IRAK1BP1: variants seen among roughly 807,000 people sequenced by gnomAD.
IRAK1BP1 encodes interleukin-1 receptor-associated kinase 1-binding protein 1.
In IRAK1BP1, 24 loss-of-function variants were observed where a neutral mutation model predicts 28.0. The ratio of observed to expected loss-of-function variants is 0.86; its 90% CI spans 0.62 to 1.20. IRAK1BP1 has a LOEUF of 1.20. Among genes scored for constraint, IRAK1BP1 ranks in the 50% most tolerant of loss-of-function variants. The probability of loss-of-function intolerance (pLI) is 0.00; values close to 1 mark genes in which losing one functional copy is unlikely to be tolerated. For synonymous variants in IRAK1BP1, 131 were observed against 116.3 expected (o/e 1.13, Z -0.81); for missense variants, 336 against 316.7 (o/e 1.06, Z -0.46).
the IRAK1BP1 span, among the ~76,000 whole-genome samples, chr6:78,974,966 C>A: frequency 6.6e-6 from 1 of 151,576 alleles, no homozygotes; most frequent in Non-Finnish European, 1.5e-5. Flanking sequence ...TGGTACCATT[C>A]CTTCTGAAAC....
At chr6:78,907,044 T>C (rs1161862036), downstream of IRAK1BP1, among the ~76,000 whole-genome samples, 1 of 152,178 alleles carries the variant, frequency 6.6e-6, no homozygotes, top group African/African-American at 2.4e-5. Context: ...ATACAGCTGC[T>C]AGGAGAACAC....
At chr6:78,917,274 A>G (rs1229120698) in intron 4 of IRAK1BP1, among the ~76,000 whole-genome samples, 2 of 151,684 alleles carry the variant, frequency 1.3e-5, no homozygotes, top group African/African-American at 4.8e-5. Flanking sequence ...AAATTTCAAA[A>G]TACAATGGAA....
chr6:78,875,868 TAAATAA>T (rs1418498141), intron 1 of IRAK1BP1, among the ~76,000 whole-genome samples: 1 of 152,094 alleles, frequency 6.6e-6, no homozygotes, highest in African/African-American at 2.4e-5. Flanking sequence ...CTAAAATAAA[TAAATAA>T]AAATATATAT....
At chr6:78,979,009 T>C in the IRAK1BP1 span, among the ~76,000 whole-genome samples, 1 of 152,138 alleles carries the variant, frequency 6.6e-6, no homozygotes, top group African/African-American at 2.4e-5. Context: ...GGCACTGTAG[T>C]AGGTATTATA....
intron 1 of IRAK1BP1, among the ~76,000 whole-genome samples, chr6:78,876,814 T>TA (rs1210819356): frequency 6.6e-6 from 1 of 152,078 alleles, no homozygotes; most frequent in Non-Finnish European, 1.5e-5. Context: ...GCTGTGACAA[T>TA]AAAAAATGTC....
At chr6:78,875,053 C>T (rs970547947) in intron 1 of IRAK1BP1, among the ~76,000 whole-genome samples, 3 of 151,998 alleles carry the variant, frequency 2.0e-5, no homozygotes, top group South Asian at 2.1e-4. Context: ...AAAACAATCT[C>T]GTGAAAAAGT....
chr6:78,876,657 T>C (rs1484579005), intron 1 of IRAK1BP1, among the ~76,000 whole-genome samples: 3 of 152,166 alleles, frequency 2.0e-5, no homozygotes. Flanking sequence ...CCCCTACCCA[T>C]GGGGTGACCA....
chr6:78,947,817 C>T, downstream of IRAK1BP1: 1 of 1,404,304 alleles, frequency 7.1e-7, no homozygotes, highest in Non-Finnish European at 1.0e-6. Context: ...TATTACTACA[C>T]AAAGCATCAC....
At chr6:78,903,706 G>A (rs1772182472), downstream of IRAK1BP1, among the ~76,000 whole-genome samples, 3 of 151,220 alleles carry the variant, frequency 2.0e-5, no homozygotes, top group South Asian at 6.2e-4. Flanking sequence ...CCATGTGATA[G>A]GCAGGGGTCA....
intron 4 of IRAK1BP1, among the ~76,000 whole-genome samples, chr6:78,921,472 T>A (rs994303653): frequency 5.9e-5 from 9 of 152,218 alleles, no homozygotes; most frequent in Non-Finnish European, 1.3e-4. Flanking sequence ...GAGGCCTGCC[T>A]GCCTCTGTAG....
In IRAK1BP1 at chr6:78,898,432, A is replaced by ATATATATATATATATATATATATAT. The variant is rs1457866133; in HGVS notation, c.*111_*112insATATATATATATTATATATATATAT. The ATATATATATATATATATATATATAT allele has an allele frequency of 6.0e-6, 1 of 165,304 alleles. No individual in the cohort carries two copies. Among genetic ancestry groups the ATATATATATATATATATATATATAT allele is most frequent in the Non-Finnish European group, 1.2e-5 (1 of 84,106 alleles). 10.2% of individuals were successfully genotyped at this position (165,304 alleles called of 1,614,324 possible). A position where few individuals can be genotyped will look rare whatever the true frequency, so the allele number is the denominator to read the frequency against. ...CCTGAATATATATATATATATATATATATATATATATATGGTATAGGAGAT... is the reference window on the plus strand; with the variant it reads ...CCTGAATATATATATATATATATATATATATATATATATATATATATATATTATATATATATATGGTATAGGAGAT... On this transcript the variant is annotated 3_prime_UTR_variant, in exon 4 of 4. Coordinates refer to ENST00000369940, the MANE Select transcript of IRAK1BP1 (RefSeq NM_001010844.4).
At chr6:78,914,004 G>A (rs750135543) in intron 4 of IRAK1BP1, among the ~76,000 whole-genome samples, 15 of 152,102 alleles carry the variant, frequency 9.9e-5, no homozygotes, top group Non-Finnish European at 1.8e-4. Flanking sequence ...TAAGTCATAT[G>A]AAGTGTTCCA....
chr6:78,970,698 G>T, the IRAK1BP1 span: 1 of 851,250 alleles, frequency 1.2e-6, no homozygotes, highest in Non-Finnish European at 1.9e-6. Flanking sequence ...TTCTTATTGT[G>T]TTAATAGTAA....
rs1771992865 is a variant in IRAK1BP1, at chr6:78,898,646, C to T, written c.*312C>T. ...TTTCTATTATAAGGACAGATATTGA[C>T]CCTTGCATTTCATAATTTTTAAAGA... On this transcript the variant is annotated 3_prime_UTR_variant, in exon 4 of 4. Transcript: ENST00000369940. The T allele has an allele frequency of 6.6e-6, 1 of 151,260 alleles. No individual in the cohort carries two copies. The highest frequency in any genetic ancestry group is 2.4e-5 in the African/African-American group (1 of 41,216). The allele number at this position is 151,260 out of a possible 1,614,324, so 9.4% of individuals were successfully genotyped here.
In IRAK1BP1 at chr6:78,920,788, G is replaced by A. The variant is rs151041936; in HGVS notation, c.*67+17678G>A. On this transcript the variant is annotated intron_variant and NMD_transcript_variant, in intron 4 of 4. Coordinates refer to the IRAK1BP1 transcript ENST00000606868. ...AACAAAAACAAAAATTGACAAGTGG[G>A]ACTTAATTAAACTAAAGAGCTTGTG... 6.4e-4 allele frequency among the ~76,000 whole-genome samples: 98 copies of A among 152,226 alleles called. 1 individual carries two copies. In the South Asian group the frequency reaches 8.1e-3, roughly 13 times the overall value.
intron 2 of IRAK1BP1, among the ~76,000 whole-genome samples, chr6:78,891,498 G>C (rs1412615265): frequency 7.0e-6 from 1 of 142,962 alleles, no homozygotes; most frequent in Non-Finnish European, 1.5e-5. Flanking sequence ...TCTCACTCTT[G>C]TCACCCAGGC....
At chr6:78,963,366 T>G in the IRAK1BP1 span, 1 of 717,670 alleles carries the variant, frequency 1.4e-6, no homozygotes, top group Non-Finnish European at 2.2e-6. Flanking sequence ...TATAGATTTG[T>G]AAATATACTC....
chr6:78,933,721 T>C (rs1773149579), intron 4 of IRAK1BP1, among the ~76,000 whole-genome samples: 1 of 151,448 alleles, frequency 6.6e-6, no homozygotes, highest in African/African-American at 2.4e-5. Flanking sequence ...TTTACAGAAT[T>C]GAAGAGCTTT....
chr6:78,941,349 A>G, intron 4 of IRAK1BP1: 5 of 1,582,222 alleles, frequency 3.2e-6, no homozygotes, highest in Non-Finnish European at 4.3e-6. Flanking sequence ...GAACAACAGT[A>G]CACTTAATAT....
Sources: gnomAD v4.1 joint callset for allele counts (sites outside exome capture counted in the v4.1 genomes callset) on GRCh38, gnomAD v4.1.1 for gene constraint, MANE v1.5 for transcripts, NCBI Gene and HGNC (gene_info 2026-07-23, HGNC 2026-07-21) for gene names.